Variants in CCDC146 observed in about 807,000 individuals in gnomAD.
CCDC146 encodes the protein coiled-coil domain containing 146.
CCDC146 carries 92 observed loss-of-function variants against 119.3 expected under a neutral mutation model. The ratio of observed to expected loss-of-function variants is 0.77; its 90% CI spans 0.65 to 0.92. The LOEUF is 0.92. Ranked by LOEUF, CCDC146 falls within the 40% of genes least tolerant of loss-of-function variation. The pLI is 0.00. For synonymous variants in CCDC146, 372 were observed against 371.8 expected (o/e 1.00, Z -0.01); for missense variants, 1,000 against 1,103.0 (o/e 0.91, Z 1.32).
In CCDC146 at chr7:77,279,060, T is replaced by G. The variant is rs1451417616; in HGVS notation, c.1653T>G (p.Asn551Lys). ...AAGAAAGGCATAAAATGTCATTAAATGAACTTGAAATTCTGAGAAATAGTG... is the reference window on the plus strand; with the variant it reads ...AAGAAAGGCATAAAATGTCATTAAAGGAACTTGAAATTCTGAGAAATAGTG... Reference protein sequence around the residue: ...EIKERHKMSLNELEILRNSAV... With the variant: ...EIKERHKMSLKELEILRNSAV... Residue 551 changes from asparagine to lysine, a missense_variant, in exon 13 of 19, where the codon AAT becomes AAG. Around this residue, in one of 2 missense-constraint regions of CCDC146, gnomAD observed 985 missense variants for 1,045.3 expected, o/e 0.94. Coordinates refer to ENST00000285871, the MANE Select transcript of CCDC146 (RefSeq NM_020879.3). 3.1e-6 allele frequency: 5 copies of G among 1,610,786 alleles called. No individual in the cohort carries two copies. The highest frequency in any genetic ancestry group is 1.6e-4 in the Middle Eastern group (1 of 6,074).
intron 17 of CCDC146, among the ~76,000 whole-genome samples, chr7:77,291,424 T>C (rs1380348436): frequency 6.7e-6 from 1 of 148,918 alleles, no homozygotes; most frequent in Non-Finnish European, 1.5e-5. Flanking sequence ...AAAAAAAAAG[T>C]CTGGTCGCAG....
At chr7:77,218,918 T>G (rs761929157) in intron 2 of CCDC146, among the ~76,000 whole-genome samples, 1 of 152,026 alleles carries the variant, frequency 6.6e-6, no homozygotes, top group Non-Finnish European at 1.5e-5. Context: ...TTAAAAAAAC[T>G]TGTGCACACT....
At chr7:77,250,110 C>A (rs1793030552) in intron 4 of CCDC146, among the ~76,000 whole-genome samples, 1 of 152,206 alleles carries the variant, frequency 6.6e-6, no homozygotes, top group African/African-American at 2.4e-5. Context: ...TCCTTCCTAT[C>A]CCTTGTATCA....
At chr7:77,199,604 AG>A (rs748863945) in intron 2 of CCDC146, 3 of 1,614,128 alleles carry the variant, frequency 1.9e-6, no homozygotes, top group African/African-American at 1.3e-5. Flanking sequence ...TGAATAGTCA[AG>A]GGGGGCAGGC....
At chr7:77,181,488 G>A (rs918932443) in intron 2 of CCDC146, among the ~76,000 whole-genome samples, 4 of 152,186 alleles carry the variant, frequency 2.6e-5, no homozygotes, top group South Asian at 2.1e-4. Flanking sequence ...TGCAGGCCGC[G>A]TATATAGGGC....
intron 1 of CCDC146, among the ~76,000 whole-genome samples, chr7:77,123,916 C>A (rs1584007451): frequency 6.6e-6 from 1 of 152,122 alleles, no homozygotes; most frequent in African/African-American, 2.4e-5. Flanking sequence ...TGCAATAGTT[C>A]TTTTCTTGTC....
chr7:77,205,444 T>C (rs1269645446), intron 2 of CCDC146, among the ~76,000 whole-genome samples: 2 of 152,190 alleles, frequency 1.3e-5, no homozygotes, highest in African/African-American at 4.8e-5. Context: ...GTTTTCTCCG[T>C]AAGACACATC....
At position 77,274,529 on chromosome 7, in the gene CCDC146, A is replaced by C. The variant is rs556827722; in HGVS notation, c.1317A>C (p.Ala439=). 5 of 1,609,318 alleles carry C rather than the reference A, an allele frequency of 3.1e-6. No individual in the cohort carries two copies. In the South Asian group the frequency reaches 5.5e-5, roughly 18 times the overall value. The part of the protein sequence containing the change: ...MESKLVEQQL[A]EENKLLKEQE... ...CTAAGTTAGTAGAACAACAACTTGC[A>C]GAAGAAAACAAGCTTTTAAAGGAGC... is the stretch of plus-strand genomic sequence containing the variant. The change falls in exon 11 of 19, where the codon GCA becomes GCC. Residue 439 remains alanine (A), a synonymous_variant. Transcript: ENST00000285871.
At chr7:77,273,881 A>G (rs1793575146) in intron 10 of CCDC146, 92 bp downstream of exon 10, 1 of 723,662 alleles carries the variant, frequency 1.4e-6, no homozygotes, top group East Asian at 2.7e-5. Flanking sequence ...TATCAATAAG[A>G]GAGTCATCAA....
intron 2 of CCDC146, among the ~76,000 whole-genome samples, chr7:77,216,802 A>G (rs1027701351): frequency 6.6e-6 from 1 of 152,164 alleles, no homozygotes; most frequent in African/African-American, 2.4e-5. Context: ...TTTTTTGTCA[A>G]AGCTCATAAA....
chr7:77,266,167 A>C (rs1793399022), intron 9 of CCDC146, among the ~76,000 whole-genome samples: 1 of 152,204 alleles, frequency 6.6e-6, no homozygotes, highest in African/African-American at 2.4e-5. Context: ...TCGCTTTCTA[A>C]ACATAAGATC....
At chr7:77,222,803 C>G (rs1792430001) in intron 2 of CCDC146, among the ~76,000 whole-genome samples, 1 of 152,322 alleles carries the variant, frequency 6.6e-6, no homozygotes, top group African/African-American at 2.4e-5. Flanking sequence ...CACTCCAGGC[C>G]TTTACAGATG....
At chr7:77,287,294 G>A (rs1793865185) in intron 16 of CCDC146, 146 bp from the exon 17 acceptor site, 1 of 765,772 alleles carries the variant, frequency 1.3e-6, no homozygotes, top group Non-Finnish European at 2.1e-6. Context: ...TGCAGGGGCT[G>A]GGGCAGGGAA....
intron 2 of CCDC146, among the ~76,000 whole-genome samples, chr7:77,170,496 A>C (rs987454966): frequency 6.6e-6 from 1 of 152,160 alleles, no homozygotes; most frequent in African/African-American, 2.4e-5. Flanking sequence ...ATACCCAGTA[A>C]TGGGATTGCT....
rs1298077584 is a variant in CCDC146, at chr7:77,144,459, G to T, written c.-12+21727G>T. The stretch of plus-strand genomic sequence containing the variant: ...CCAGAACTTCCAATACTATGTTGAA[G>T]AGGAGTGGTGAGAGAGGGCATCCCT... On this transcript the variant is annotated intron_variant, in intron 1 of 18. Coordinates refer to ENST00000285871, the MANE Select transcript of CCDC146 (RefSeq NM_020879.3). Among the ~76,000 whole-genome samples the T allele has an allele frequency of 9.2e-5, 14 of 151,704 alleles. 2 individuals carry two copies. The highest frequency in any genetic ancestry group is 2.7e-4 in the African/African-American group (11 of 41,056).
Position 77,274,242 on chromosome 7 carries a change from TA to T in CCDC146, c.1270-239del, listed in dbSNP as rs561979959. On this transcript the variant is annotated intron_variant, in intron 10 of 18. Transcript: ENST00000285871. ...ACACCATTACTTTATTTTTAATTTT[TA>T]TTTTTTTTATAGAGAGGGATCTTGC... Among the ~76,000 whole-genome samples the T allele has an allele frequency of 1.4e-4, 21 of 152,340 alleles. No homozygotes were observed. The South Asian group carries it at 3.7e-3, about 27-fold the overall frequency.
chr7:77,281,523 T>C (rs7787823), intron 14 of CCDC146, among the ~76,000 whole-genome samples: 17,167 of 152,208 alleles, frequency 0.11, 1,087 homozygotes, highest in African/African-American at 0.16. Flanking sequence ...TCAGATTTTT[T>C]TTAAGCAAAC....
chr7:77,208,937 G>A (rs1246977367), intron 2 of CCDC146, among the ~76,000 whole-genome samples: 1 of 152,138 alleles, frequency 6.6e-6, no homozygotes, highest in Non-Finnish European at 1.5e-5. Flanking sequence ...TGGGCTGAAG[G>A]AATCCTCCTG....
chr7:77,168,206 T>C (rs1791366880), intron 2 of CCDC146, among the ~76,000 whole-genome samples: 2 of 152,094 alleles, frequency 1.3e-5, no homozygotes, highest in African/African-American at 2.4e-5. Flanking sequence ...TTTACCTAGC[T>C]AACTATAGTT....
Sources: allele counts gnomAD v4.1 joint callset (sites outside exome capture counted in the v4.1 genomes callset), GRCh38; gene constraint gnomAD v4.1.1; regional missense constraint gnomAD v4.1.1; transcripts MANE v1.5; gene names NCBI Gene and HGNC (gene_info 2026-07-23, HGNC 2026-07-21).